Variants in CNTN6 observed in about 807,000 individuals in gnomAD.
CNTN6 encodes the protein contactin 6.
A neutral mutation model predicts 122.8 loss-of-function variants in CNTN6; 137 were observed. The observed-to-expected ratio is 1.12, with a 90% CI of 0.97 to 1.29. CNTN6 has a LOEUF of 1.29. Among genes scored for constraint, CNTN6 ranks in the 50% most tolerant of loss-of-function variants. CNTN6 has a pLI of 0.00. For missense variants in CNTN6, 1,634 were observed against 1,223.4 expected, an observed-to-expected ratio of 1.34 and a Z score of -5.01; for synonymous variants, 570 against 426.0, an observed-to-expected ratio of 1.34 and a Z score of -4.16.
intron 4 of CNTN6, among the ~76,000 whole-genome samples, chr3:1,244,085 G>A (rs542458035): frequency 9.9e-5 from 15 of 152,258 alleles, no homozygotes; most frequent in African/African-American, 3.1e-4. Context: ...CGAACGTGCC[G>A]TTTTCTGGCC....
At chr3:1,253,983 A>T (rs1214753604) in intron 4 of CNTN6, among the ~76,000 whole-genome samples, 1 of 152,168 alleles carries the variant, frequency 6.6e-6, no homozygotes, top group African/African-American at 2.4e-5. Context: ...GCACACACAT[A>T]AATTTATATA....
chr3:1,111,676 GT>G (rs931948830), intron 1 of CNTN6, among the ~76,000 whole-genome samples: 11 of 152,250 alleles, frequency 7.2e-5, no homozygotes, highest in African/African-American at 2.4e-4. Flanking sequence ...GTGTGAGGTA[GT>G]TTCATTTCAA....
At chr3:1,116,698 C>CTTTTT (rs10594022) in intron 1 of CNTN6, among the ~76,000 whole-genome samples, 1 of 71,742 alleles carries the variant, frequency 1.4e-5, no homozygotes, top group African/African-American at 5.3e-5. Context: ...GTCATCAAAT[C>CTTTTT]TTTTTTTTTT....
chr3:1,303,476 AGCTAGTACCTTT>A (rs1255472988), intron 7 of CNTN6, among the ~76,000 whole-genome samples: 1 of 152,162 alleles, frequency 6.6e-6, no homozygotes, highest in Non-Finnish European at 1.5e-5. Context: ...GTTAAATTTT[AGCTAGTACCTTT>A]GCTTTTATCT....
At chr3:1,198,617 G>A (rs1405199289) in intron 2 of CNTN6, among the ~76,000 whole-genome samples, 2 of 152,024 alleles carry the variant, frequency 1.3e-5, no homozygotes, top group Non-Finnish European at 2.9e-5. Context: ...TGCTATTCAG[G>A]AGGCTGAGGC....
rs533860180 is a variant in CNTN6 at position 1,121,563 on chromosome 3, C to A, written c.-82-26364C>A. Among the ~76,000 whole-genome samples, 11 of 152,016 alleles carry A rather than the reference C, an allele frequency of 7.2e-5. No homozygotes were observed. The South Asian group carries it at 2.3e-3, about 31-fold the overall frequency. ...TCTATTTCTCCTACCTTACTGATTTCACTTGCCTGTATTCTTTTGCTAATC... is the reference window on the plus strand; with the variant it reads ...TCTATTTCTCCTACCTTACTGATTTAACTTGCCTGTATTCTTTTGCTAATC... On this transcript the variant is annotated intron_variant, in intron 1 of 22. Coordinates refer to ENST00000446702, the MANE Select transcript of CNTN6 (RefSeq NM_001289080.2).
intron 11 of CNTN6, among the ~76,000 whole-genome samples, chr3:1,348,532 G>T (rs1380221224): frequency 6.6e-6 from 1 of 151,968 alleles, no homozygotes; most frequent in African/African-American, 2.4e-5. Context: ...CTGAAGGTCA[G>T]ATTTTAAATC....
intron 4 of CNTN6, 128 bp downstream of exon 4, chr3:1,228,121 C>A: frequency 1.3e-6 from 1 of 788,728 alleles, no homozygotes; most frequent in Non-Finnish European, 1.9e-6. Context: ...GGGCTTTTGA[C>A]AATGTTCATT....
intron 7 of CNTN6, among the ~76,000 whole-genome samples, chr3:1,300,607 GAGAA>G (rs1200476520): frequency 1.6e-4 from 22 of 140,710 alleles, no homozygotes; most frequent in East Asian, 6.0e-4. Context: ...GAAAGAAAGA[GAGAA>G]AGAAAGGAAG....
chr3:1,261,145 G>T (rs1001599694), intron 4 of CNTN6, among the ~76,000 whole-genome samples: 1 of 152,036 alleles, frequency 6.6e-6, no homozygotes, highest in African/African-American at 2.4e-5. Flanking sequence ...AGCAGTACGG[G>T]GCACATTTTA....
intron 2 of CNTN6, among the ~76,000 whole-genome samples, chr3:1,150,148 A>G (rs943559512): frequency 6.6e-6 from 1 of 152,136 alleles, no homozygotes; most frequent in African/African-American, 2.4e-5. Flanking sequence ...ACAAGACAAC[A>G]CTGCTTTAAA....
chr3:1,391,978 G>A (rs1477483537), intron 20 of CNTN6, among the ~76,000 whole-genome samples: 2 of 152,176 alleles, frequency 1.3e-5, no homozygotes, highest in African/African-American at 2.4e-5. Context: ...TGGCCATACT[G>A]CCCAAGGTAA....
intron 7 of CNTN6, among the ~76,000 whole-genome samples, chr3:1,309,084 G>C (rs977591678): frequency 6.6e-6 from 1 of 152,162 alleles, no homozygotes; most frequent in East Asian, 1.9e-4. Flanking sequence ...TCTGTGACTT[G>C]TCTTTGCATT....
chr3:1,250,772 C>G (rs952093576), intron 4 of CNTN6, among the ~76,000 whole-genome samples: 1 of 152,172 alleles, frequency 6.6e-6, no homozygotes, highest in East Asian at 1.9e-4. Context: ...GAAAGTCCCC[C>G]TGACTGTGTT....
intron 4 of CNTN6, among the ~76,000 whole-genome samples, chr3:1,230,280 TAAC>T (rs945747156): frequency 3.9e-5 from 6 of 152,184 alleles, no homozygotes; most frequent in Admixed American, 3.3e-4. Flanking sequence ...GGTCTTTTCT[TAAC>T]AACGTTAAGC....
At chr3:1,274,027 G>C (rs1258608008) in intron 4 of CNTN6, among the ~76,000 whole-genome samples, 1 of 152,102 alleles carries the variant, frequency 6.6e-6, no homozygotes, top group African/African-American at 2.4e-5. Context: ...CTTTTTGACA[G>C]TGTTTGTTTT....
At chr3:1,152,206 T>A (rs2092860574) in intron 2 of CNTN6, among the ~76,000 whole-genome samples, 1 of 151,982 alleles carries the variant, frequency 6.6e-6, no homozygotes, top group Non-Finnish European at 1.5e-5. Context: ...TGGCGTGATA[T>A]CAGCTCACTG....
At chr3:1,229,592 T>A (rs968758053) in intron 4 of CNTN6, among the ~76,000 whole-genome samples, 2 of 152,218 alleles carry the variant, frequency 1.3e-5, no homozygotes, top group Non-Finnish European at 2.9e-5. Context: ...AACAAAAATA[T>A]GTTTTAAAAT....
At chr3:1,237,289 C>T (rs1297394915) in intron 4 of CNTN6, among the ~76,000 whole-genome samples, 1 of 151,804 alleles carries the variant, frequency 6.6e-6, no homozygotes, top group Non-Finnish European at 1.5e-5. Flanking sequence ...GAAGAAAGAA[C>T]TTCAGAGCTC....
Sources: gnomAD v4.1 joint callset for allele counts (sites outside exome capture counted in the v4.1 genomes callset) on GRCh38, gnomAD v4.1.1 for gene constraint, MANE v1.5 for transcripts, NCBI Gene and HGNC (gene_info 2026-07-23, HGNC 2026-07-21) for gene names.